Variants in CHRM3 observed in about 807,000 individuals in gnomAD.
CHRM3 encodes muscarinic acetylcholine receptor M3.
CHRM3 carries 11 observed loss-of-function variants against 41.8 expected under a neutral mutation model. The observed-to-expected ratio is 0.26, with a 90% CI of 0.17 to 0.44. The LOEUF is 0.44. Among genes scored for constraint, CHRM3 ranks in the 20% least tolerant of loss-of-function variants. The pLI is 1.00. For missense variants in CHRM3, 571 were observed against 745.4 expected (o/e 0.77, Z 2.72); for synonymous variants, 297 against 301.4 (o/e 0.99, Z 0.15).
chr1:239,590,516 T>A (rs1280603010), intron 3 of CHRM3, among the ~76,000 whole-genome samples: 1 of 152,230 alleles, frequency 6.6e-6, no homozygotes, highest in African/African-American at 2.4e-5. Flanking sequence ...TGTAACCGTT[T>A]TTGATAAGAT....
rs574764333 is a variant in CHRM3, at chr1:239,808,929, GT to G, written c.-146-18321del. Among the ~76,000 whole-genome samples, 18 of 151,530 alleles carry G rather than the reference GT, an allele frequency of 1.2e-4. No individual in the cohort carries two copies. In the South Asian group the frequency reaches 3.5e-3, roughly 30 times the overall value. On this transcript the variant is annotated intron_variant, in intron 5 of 6. Transcript: ENST00000676153. ...TCAAGTTCCCACTTAAGCACTGCAT[GT>G]TACTTTTTACAAAAGGAAGAAATGA...
intron 4 of CHRM3, among the ~76,000 whole-genome samples, chr1:239,668,528 A>T (rs1212368118): frequency 3.9e-5 from 6 of 152,198 alleles, no homozygotes; most frequent in African/African-American, 1.4e-4. Flanking sequence ...AAGCATTTTA[A>T]TAACTCTGCA....
chr1:239,783,781 G>T (rs1427437264), intron 5 of CHRM3, among the ~76,000 whole-genome samples: 1 of 152,150 alleles, frequency 6.6e-6, no homozygotes, highest in Admixed American at 6.6e-5. Flanking sequence ...ATGATGCTGA[G>T]GTTTGGGGTA....
chr1:239,835,051 T>G (rs971936596), intron 6 of CHRM3, among the ~76,000 whole-genome samples: 3 of 152,238 alleles, frequency 2.0e-5, no homozygotes, highest in African/African-American at 7.2e-5. Context: ...ATCAGTTTAC[T>G]GAAGATTCAG....
At chr1:239,683,586 G>T (rs1219891636) in intron 5 of CHRM3, among the ~76,000 whole-genome samples, 4 of 152,120 alleles carry the variant, frequency 2.6e-5, no homozygotes, top group African/African-American at 7.2e-5. Context: ...TAGGTCTAAA[G>T]ATTCCTAATC....
chr1:239,874,491 G>A (rs1156357223), intron 6 of CHRM3, among the ~76,000 whole-genome samples: 1 of 151,188 alleles, frequency 6.6e-6, no homozygotes, highest in Non-Finnish European at 1.5e-5. Flanking sequence ...GGGGCCAACT[G>A]TGGGACTTGA....
At chr1:239,580,917 C>T (rs1194536638) in intron 3 of CHRM3, among the ~76,000 whole-genome samples, 1 of 151,738 alleles carries the variant, frequency 6.6e-6, no homozygotes, top group Non-Finnish European at 1.5e-5. Flanking sequence ...GCATTCTTTA[C>T]CTCTTGGGTG....
chr1:239,871,497 C>T (rs1428090667), intron 6 of CHRM3, among the ~76,000 whole-genome samples: 1 of 152,130 alleles, frequency 6.6e-6, no homozygotes. Context: ...GCCTCAGCCT[C>T]CCAAAGTGCT....
intron 4 of CHRM3, among the ~76,000 whole-genome samples, chr1:239,643,170 C>T (rs1438010610): frequency 6.6e-6 from 1 of 152,150 alleles, no homozygotes; most frequent in Non-Finnish European, 1.5e-5. Flanking sequence ...TGTCAGTCTG[C>T]CCCTACTGGG....
intron 1 of CHRM3, among the ~76,000 whole-genome samples, chr1:239,485,191 C>T (rs1156523779): frequency 3.3e-5 from 5 of 152,066 alleles, no homozygotes; most frequent in Non-Finnish European, 7.4e-5. Context: ...CATGAGGGGA[C>T]GGTGGGGGCT....
chr1:239,737,744 G>T (rs945162518), intron 5 of CHRM3, among the ~76,000 whole-genome samples: 17 of 152,090 alleles, frequency 1.1e-4, no homozygotes, highest in African/African-American at 3.6e-4. Flanking sequence ...TTGTTTCAAG[G>T]AGTAGGTGAC....
intron 5 of CHRM3, among the ~76,000 whole-genome samples, chr1:239,824,571 G>T (rs529925365): frequency 7.1e-4 from 108 of 152,220 alleles, no homozygotes; most frequent in African/African-American, 2.5e-3. Flanking sequence ...AAAACAATTC[G>T]CATATCTATA....
intron 1 of CHRM3, among the ~76,000 whole-genome samples, chr1:239,467,902 C>G (rs980650440): frequency 1.5e-5 from 2 of 134,378 alleles, no homozygotes; most frequent in Non-Finnish European, 3.1e-5. Flanking sequence ...TTTCCCTACC[C>G]CCCCCCAACG....
At chr1:239,519,638 A>G (rs1378131745) in intron 2 of CHRM3, among the ~76,000 whole-genome samples, 1 of 152,010 alleles carries the variant, frequency 6.6e-6, no homozygotes, top group Non-Finnish European at 1.5e-5. Flanking sequence ...AATATTAATC[A>G]AATTTATTTT....
intron 5 of CHRM3, among the ~76,000 whole-genome samples, chr1:239,815,948 AT>A (rs1202438418): frequency 6.6e-6 from 1 of 152,054 alleles, no homozygotes; most frequent in Non-Finnish European, 1.5e-5. Flanking sequence ...ATTAGATAGT[AT>A]TTCTGGGTCA....
At chr1:239,401,166 G>A (rs1374635063) in intron 1 of CHRM3, among the ~76,000 whole-genome samples, 2 of 152,184 alleles carry the variant, frequency 1.3e-5, no homozygotes, top group Non-Finnish European at 1.5e-5. Context: ...TGATTATCAA[G>A]GGTCAGGCCA....
intron 1 of CHRM3, among the ~76,000 whole-genome samples, chr1:239,449,432 T>C (rs1664399336): frequency 6.6e-6 from 1 of 152,064 alleles, no homozygotes; most frequent in African/African-American, 2.4e-5. Flanking sequence ...CACATTAAAC[T>C]TGCAAGGGAG....
At chr1:239,619,247 T>A (rs767871628) in intron 3 of CHRM3, among the ~76,000 whole-genome samples, 1 of 152,126 alleles carries the variant, frequency 6.6e-6, no homozygotes, top group Non-Finnish European at 1.5e-5. Context: ...ATAGTTATTC[T>A]ATCACTCCTC....
chr1:239,823,862 C>T (rs1158010048), intron 5 of CHRM3, among the ~76,000 whole-genome samples: 1 of 152,032 alleles, frequency 6.6e-6, no homozygotes, highest in Admixed American at 6.6e-5. Flanking sequence ...GATAGAATGT[C>T]AGATGATGCT....
Sources: gnomAD v4.1 joint callset for allele counts (sites outside exome capture counted in the v4.1 genomes callset) on GRCh38, gnomAD v4.1.1 for gene constraint, MANE v1.5 for transcripts, NCBI Gene and HGNC (gene_info 2026-07-23, HGNC 2026-07-21) for gene names.